The following SETD5 variants were observed in gnomAD, a reference collection of about 807,000 sequenced individuals.
SETD5 encodes the protein SET domain containing 5.
Under a neutral mutation model 153.3 loss-of-function variants are expected in SETD5, and 44 were observed. The observed-to-expected ratio is 0.29, with a 90% CI of 0.23 to 0.37. The LOEUF is 0.37. Ranked by LOEUF, SETD5 falls within the 10% of genes least tolerant of loss-of-function variation. The pLI is 1.00. For synonymous variants in SETD5, 716 were observed against 645.2 expected (o/e 1.11, Z -1.66); for missense variants, 1,544 against 1,768.0 (o/e 0.87, Z 2.27).
chr3:9,436,880 C>T (rs767842475), intron 7 of SETD5: 4 of 1,550,156 alleles, frequency 2.6e-6, no homozygotes, highest in South Asian at 2.4e-5. Flanking sequence ...GAAGTCCTTG[C>T]GGATGAAGGT....
chr3:9,446,893 ATATTT>A (rs1293328506), intron 13 of SETD5, among the ~76,000 whole-genome samples, 152 bp from the exon 14 acceptor site: 1 of 152,180 alleles, frequency 6.6e-6, no homozygotes, highest in Admixed American at 6.5e-5. Flanking sequence ...TTAAAATGAA[ATATTT>A]TATTTTTAAT....
chr3:9,459,739 T>C (rs2043722663), intron 17 of SETD5, among the ~76,000 whole-genome samples: 1 of 149,688 alleles, frequency 6.7e-6, no homozygotes, highest in Non-Finnish European at 1.5e-5. Flanking sequence ...AAAAGAATAT[T>C]AAAAGAAGAA....
At chr3:9,467,225 C>A (rs865789412) in intron 18 of SETD5, among the ~76,000 whole-genome samples, 637 of 69,724 alleles carry the variant, frequency 9.1e-3, no homozygotes, top group African/African-American at 0.017. Context: ...AAAAAAAAAA[C>A]AACCTTACTA....
At chr3:9,415,858 C>T (rs2125578143) in intron 1 of SETD5, among the ~76,000 whole-genome samples, 1 of 150,918 alleles carries the variant, frequency 6.6e-6, no homozygotes, top group African/African-American at 2.4e-5. Context: ...CCACCCTGCC[C>T]AGCCCCATTG....
chr3:9,404,392 A>G (rs540708663), intron 1 of SETD5, among the ~76,000 whole-genome samples: 1 of 152,360 alleles, frequency 6.6e-6, no homozygotes, highest in East Asian at 1.9e-4. Context: ...ATGATATAAT[A>G]TTTCGACCAA....
At chr3:9,431,849 A>G (rs2040004456) in intron 3 of SETD5, 1 of 381,272 alleles carries the variant, frequency 2.6e-6, no homozygotes, top group African/African-American at 2.2e-5. Context: ...AAAAAAATCC[A>G]TTCCTAATAA....
chr3:9,412,668 C>T (rs1459416719), intron 1 of SETD5, among the ~76,000 whole-genome samples: 1 of 151,762 alleles, frequency 6.6e-6, no homozygotes, highest in Non-Finnish European at 1.5e-5. Flanking sequence ...ACCTCAGCCT[C>T]CCAAAGCTCT....
At chr3:9,453,522 CATT>C (rs1246647528) in intron 16 of SETD5, among the ~76,000 whole-genome samples, 1 of 152,122 alleles carries the variant, frequency 6.6e-6, no homozygotes, top group Non-Finnish European at 1.5e-5. Flanking sequence ...GATGGGATCT[CATT>C]ATATGTAATC....
chr3:9,473,316 C>T lies in SETD5; in HGVS notation c.3276C>T (p.Ser1092=), dbSNP rs748076124. Residue 1092 remains serine (S), a synonymous_variant, in exon 20 of 23, where the codon AGC becomes AGT. Coordinates refer to ENST00000402198, the MANE Select transcript of SETD5 (RefSeq NM_001080517.3). ...GTGGGGGAGGTGACTCTGCACAGAG[C>T]AAAAGCAAGTCTGCAGGAGCTGGGC... ...SAGGGGDSAQ[S]KSKSAGAGQG... The T allele has an allele frequency of 2.5e-6, 4 of 1,613,838 alleles. No homozygotes were observed. The Admixed American group carries it at 6.7e-5, about 27-fold the overall frequency.
intron 17 of SETD5, among the ~76,000 whole-genome samples, chr3:9,462,593 A>C (rs1476852696): frequency 6.7e-6 from 1 of 148,150 alleles, no homozygotes; most frequent in Non-Finnish European, 1.5e-5. Context: ...TCTCAAAAAA[A>C]AAAAAAAAGA....
At chr3:9,459,673 C>G (rs1214557925) in intron 17 of SETD5, among the ~76,000 whole-genome samples, 1 of 145,228 alleles carries the variant, frequency 6.9e-6, no homozygotes, top group Non-Finnish European at 1.5e-5. Flanking sequence ...ATCCCAGCTA[C>G]TCGCCACTGC....
chr3:9,404,586 A>T (rs551825185), intron 1 of SETD5, among the ~76,000 whole-genome samples: 25 of 152,304 alleles, frequency 1.6e-4, no homozygotes, highest in African/African-American at 6.0e-4. Flanking sequence ...TGGGACTAAA[A>T]TAGAAGCCAT....
At position 9,445,141 on chromosome 3, in the gene SETD5, ACCT is replaced by A. The variant is rs1559425097; in HGVS notation, c.1287_1289del (p.Pro430del). ...ATGCTACAGAACTGCCACTCCTACC[ACCT>A]CCTCCAAGCCTACCCACCATTGGAG... On this transcript the variant is annotated inframe_deletion, in exon 12 of 23. Coordinates refer to ENST00000402198, the MANE Select transcript of SETD5 (RefSeq NM_001080517.3). The A allele has an allele frequency of 6.2e-7, 1 of 1,613,694 alleles. No homozygotes were observed. Among genetic ancestry groups the A allele is most frequent in the African/African-American group, 1.3e-5 (1 of 74,872 alleles).
chr3:9,474,331 T>A (rs2045637695), intron 20 of SETD5, 118 bp from the exon 21 acceptor site: 1 of 1,194,312 alleles, frequency 8.4e-7, no homozygotes, highest in Non-Finnish European at 1.2e-6. Flanking sequence ...TTTAAATTGG[T>A]TCTGAAGAAA....
At chr3:9,436,149 T>A (rs2040539423) in intron 7 of SETD5, among the ~76,000 whole-genome samples, 1 of 152,132 alleles carries the variant, frequency 6.6e-6, no homozygotes, top group South Asian at 2.1e-4. Context: ...AGGTATGAAA[T>A]TCCAGCCCTA....
chr3:9,412,615 C>G (rs1225014742), intron 1 of SETD5, among the ~76,000 whole-genome samples: 1 of 151,676 alleles, frequency 6.6e-6, no homozygotes, highest in East Asian at 1.9e-4. Flanking sequence ...ACTGTGTTGC[C>G]CAGGCTGGTC....
chr3:9,448,672 G>A (rs769228114), intron 16 of SETD5, 42 bp downstream of exon 16: 1 of 1,451,978 alleles, frequency 6.9e-7, no homozygotes, highest in Non-Finnish European at 9.1e-7. Flanking sequence ...TTATGTGTGT[G>A]TGCTTTATTT....
chr3:9,440,795 C>T, intron 8 of SETD5, 97 bp downstream of exon 8: 3 of 1,422,642 alleles, frequency 2.1e-6, no homozygotes, highest in Non-Finnish European at 2.8e-6. Flanking sequence ...TCCAAATGTA[C>T]AAGGCCATGG....
intron 17 of SETD5, chr3:9,454,077 A>C (rs2042931426): frequency 3.0e-6 from 1 of 338,762 alleles, no homozygotes. Context: ...GTGTACAGAT[A>C]ACAGCAGAAA....
Sources: gnomAD v4.1 joint callset for allele counts (sites outside exome capture counted in the v4.1 genomes callset) on GRCh38, gnomAD v4.1.1 for gene constraint, MANE v1.5 for transcripts, NCBI Gene and HGNC (gene_info 2026-07-23, HGNC 2026-07-21) for gene names.